The following ATP1A4 variants were observed in gnomAD, a reference collection of about 807,000 sequenced individuals.
ATP1A4 encodes the protein sodium/potassium-transporting ATPase subunit alpha-4.
Under a neutral mutation model 114.3 loss-of-function variants are expected in ATP1A4, and 90 were observed. The observed-to-expected ratio is 0.79, with a 90% CI of 0.66 to 0.94. ATP1A4 has a LOEUF of 0.94. ATP1A4 is among the 40% of genes least tolerant of loss of function. The pLI is 0.00. For missense variants in ATP1A4, 1,222 were observed against 1,313.6 expected (o/e 0.93, Z 1.08); for synonymous variants, 511 against 494.1 (o/e 1.03, Z -0.45).
At chr1:160,185,126 C>T (rs1309166999) in intron 20 of ATP1A4, among the ~76,000 whole-genome samples, 1 of 148,022 alleles carries the variant, frequency 6.8e-6, no homozygotes, top group Non-Finnish European at 1.5e-5. Flanking sequence ...TTTTTTTTCC[C>T]GACGAAGTCT....
chr1:160,165,634 G>A (rs1653002897), intron 7 of ATP1A4, among the ~76,000 whole-genome samples: 1 of 151,724 alleles, frequency 6.6e-6, no homozygotes, highest in Non-Finnish European at 1.5e-5. Flanking sequence ...ATGGTGGCTG[G>A]CGCCTGTAGT....
intron 20 of ATP1A4, 39 bp from the exon 21 acceptor site, chr1:160,186,237 C>G (rs12131640): frequency 0.34 from 485,973 of 1,422,188 alleles, 87,436 homozygotes; most frequent in East Asian, 0.71. Flanking sequence ...TCTGGCATCT[C>G]TCTCTCCTGC....
intron 17 of ATP1A4, among the ~76,000 whole-genome samples, chr1:160,176,876 CATTA>C (rs1653484141): frequency 6.6e-6 from 1 of 152,134 alleles, no homozygotes; most frequent in Non-Finnish European, 1.5e-5. Context: ...GCAGGCTCAC[CATTA>C]TGAGGATAGC....
At chr1:160,186,234 T>G in intron 20 of ATP1A4, 42 bp from the exon 21 acceptor site, 1 of 1,377,770 alleles carries the variant, frequency 7.3e-7, no homozygotes, top group Non-Finnish European at 1.0e-6. Flanking sequence ...TCCTCTGGCA[T>G]CTCTCTCTCC....
rs772861435 is a variant in ATP1A4, at chr1:160,167,009, G to A, written c.1288G>A (p.Ala430Thr). Residue 430 changes from alanine to threonine, a missense_variant, in exon 9 of 22, where the codon GCC (alanine) becomes ACC (threonine). Physicochemically the swap from Ala to Thr is moderately conservative, Grantham distance 58. Coordinates refer to ENST00000368081, the MANE Select transcript of ATP1A4 (RefSeq NM_144699.4). ...GAGCTCTGATACCTGGTTTATGCTG[G>A]CCCGAATCGCTGGCCTCTGCAACCG... is the stretch of plus-strand genomic sequence containing the variant. Reference protein sequence around the residue: ...TKSSDTWFMLARIAGLCNRAD... With the variant: ...TKSSDTWFMLTRIAGLCNRAD... The A allele has an allele frequency of 1.9e-6, 3 of 1,614,132 alleles. No individual in the cohort carries two copies. The East Asian group carries it at 6.7e-5, about 36-fold the overall frequency.
At chr1:160,172,499 C>T (rs138542240) in intron 12 of ATP1A4, among the ~76,000 whole-genome samples, 91 of 149,860 alleles carry the variant, frequency 6.1e-4, no homozygotes, top group Non-Finnish European at 1.1e-3. Context: ...GGTAGAAAAT[C>T]CTCTTTGGTC....
chr1:160,160,935 T>A (rs2101630169), intron 6 of ATP1A4, among the ~76,000 whole-genome samples: 1 of 152,308 alleles, frequency 6.6e-6, no homozygotes, highest in South Asian at 2.1e-4. Context: ...ACTATTAGAT[T>A]TTAGGAAAAA....
rs755062435 is a variant in ATP1A4, at chr1:160,159,491, G to A, written c.743G>A (p.Arg248Gln). Reference protein sequence around the residue: ...DFTHENPLETRNICFFSTNCV... With the variant: ...DFTHENPLETQNICFFSTNCV... ...ACCCATGAGAACCCTCTGGAGACCC[G>A]AAACATCTGCTTCTTTTCCACCAAC... The change falls in exon 6 of 22, where the codon CGA becomes CAA. Residue 248 changes from arginine (R) to glutamine (Q), a missense_variant. Physicochemically the swap from Arg to Gln is conservative, Grantham distance 43 (BLOSUM62 1). Coordinates refer to ENST00000368081, the MANE Select transcript of ATP1A4 (RefSeq NM_144699.4). 2.5e-5 allele frequency: 41 copies of A among 1,613,650 alleles called. No homozygotes were observed. The highest frequency in any genetic ancestry group is 1.6e-4 in the Middle Eastern group (1 of 6,084).
At chr1:160,184,595 A>T (rs117173266) in intron 20 of ATP1A4, among the ~76,000 whole-genome samples, 4,199 of 152,298 alleles carry the variant, frequency 0.028, 71 homozygotes, top group East Asian at 0.073. Context: ...TATATTGATT[A>T]CATATTTAAC....
At position 160,167,045 on chromosome 1, in the gene ATP1A4, A is replaced by G. The variant is rs781186186; in HGVS notation, c.1324A>G (p.Lys442Glu). 2 of 1,614,090 alleles carry G rather than the reference A, an allele frequency of 1.2e-6. No homozygotes were observed. The highest frequency in any genetic ancestry group is 2.2e-5 in the East Asian group (1 of 44,888). ...IAGLCNRADFKANQEILPIAK... is the reference protein window; with the variant it reads ...IAGLCNRADFEANQEILPIAK... ...TGGCCTCTGCAACCGGGCTGACTTT[A>G]AGGCTAATCAGGAGATCCTGCCCAT... Residue 442 changes from lysine (K) to glutamate (E), a missense_variant, in exon 9 of 22, where the codon AAG (lysine) becomes GAG (glutamate). Transcript: ENST00000368081.
chr1:160,174,171 T>C lies in ATP1A4; in HGVS notation c.2052T>C (p.Leu684=). The change falls in exon 14 of 22, where the codon CTT becomes CTC. Residue 684 remains leucine, a synonymous_variant. Transcript: ENST00000368081. Reference sequence around the variant, plus strand: ...TGAAGGACATACAGTCCAAGCAGCTTGATCAGATCCTCCAGAACCACCCTG... The same window carrying C: ...TGAAGGACATACAGTCCAAGCAGCTCGATCAGATCCTCCAGAACCACCCTG... ...AELKDIQSKQ[L]DQILQNHPEI... is the part of the protein sequence containing the mutation. The C allele has an allele frequency of 1.2e-6, 2 of 1,614,186 alleles. No homozygotes were observed. The highest frequency in any genetic ancestry group is 1.7e-6 in the Non-Finnish European group (2 of 1,180,032).
rs1000911095 is a variant in ATP1A4 at position 160,151,662 on chromosome 1, C to A, written c.-379C>A. 18 of 169,284 alleles carry A rather than the reference C, an allele frequency of 1.1e-4. No individual in the cohort carries two copies. The highest frequency in any genetic ancestry group is 4.0e-4 in the African/African-American group (17 of 42,034). 10.5% of individuals were successfully genotyped at this position (169,284 alleles called of 1,614,324 possible). A position where few individuals can be genotyped will look rare whatever the true frequency, so the allele number is the denominator to read the frequency against. ...ACTGCATTTCCCACCTTCCTGTGGG[C>A]CTTGCGGCATCTTCATCACTGAGGC... On this transcript the variant is annotated 5_prime_UTR_variant, in exon 1 of 22. Transcript: ENST00000368081.
chr1:160,177,963 C>A (rs1327021369), intron 18 of ATP1A4, among the ~76,000 whole-genome samples: 1 of 152,178 alleles, frequency 6.6e-6, no homozygotes, highest in African/African-American at 2.4e-5. Flanking sequence ...TTTTCTGAGC[C>A]GGTTTCTCTT....
At chr1:160,159,171 A>G (rs1210887778) in intron 5 of ATP1A4, 35 bp downstream of exon 5, 4 of 1,603,096 alleles carry the variant, frequency 2.5e-6, no homozygotes, top group Admixed American at 1.7e-5. Context: ...GAGGGACCCA[A>G]GCGTGATCTC....
Position 160,181,738 on chromosome 1 carries a change from A to T in ATP1A4, c.2791A>T (p.Thr931Ser), listed in dbSNP as rs1463499447. ...CACATGCCAAACGGCCTTTTTTGTC[A>T]CCATCGTGGTTGTGCAGTGGGCGGA... ...EFTCQTAFFVTIVVVQWADLI... is the reference protein window; with the variant it reads ...EFTCQTAFFVSIVVVQWADLI... The change falls in exon 19 of 22, where the codon ACC becomes TCC. Residue 931 changes from threonine (T) to serine (S), a missense_variant. Thr to Ser is a moderately conservative substitution (Grantham distance 58, BLOSUM62 1). Transcript: ENST00000368081. The T allele has an allele frequency of 6.2e-7, 1 of 1,613,870 alleles. No homozygotes were observed. Among genetic ancestry groups the T allele is most frequent in the Non-Finnish European group, 8.5e-7 (1 of 1,179,966 alleles).
intron 6 of ATP1A4, among the ~76,000 whole-genome samples, chr1:160,162,186 C>G (rs1023087510): frequency 3.9e-5 from 6 of 152,160 alleles, no homozygotes; most frequent in African/African-American, 1.2e-4. Context: ...CTGAGTCTTT[C>G]TGCTTTTAAA....
intron 20 of ATP1A4, among the ~76,000 whole-genome samples, chr1:160,184,134 G>A (rs1182641378): frequency 3.3e-5 from 5 of 152,018 alleles, no homozygotes; most frequent in African/African-American, 9.7e-5. Context: ...TGTATTTTTA[G>A]TAGAGACGGG....
chr1:160,177,398 C>A, intron 17 of ATP1A4, 121 bp from the exon 18 acceptor site: 1 of 995,796 alleles, frequency 1.0e-6, no homozygotes, highest in East Asian at 2.4e-5. Flanking sequence ...TTCCGCATTA[C>A]TCTTCAGACA....
chr1:160,165,701 T>G (rs1653005563), intron 7 of ATP1A4, among the ~76,000 whole-genome samples: 1 of 152,106 alleles, frequency 6.6e-6, no homozygotes, highest in Non-Finnish European at 1.5e-5. Flanking sequence ...ACGTGGAGTT[T>G]GCAGTCAGCA....
Sources: allele counts gnomAD v4.1 joint callset (sites outside exome capture counted in the v4.1 genomes callset), GRCh38; gene constraint gnomAD v4.1.1; transcripts MANE v1.5; gene names NCBI Gene and HGNC (gene_info 2026-07-23, HGNC 2026-07-21).